FRYL: variants seen among roughly 807,000 people sequenced by gnomAD.
The protein encoded by FRYL is FRY like transcription coactivator, also known as protein furry homolog-like.
Under a neutral mutation model 351.2 loss-of-function variants are expected in FRYL, and 150 were observed. The observed-to-expected ratio is 0.43, with a 90% CI of 0.37 to 0.49. FRYL has a LOEUF of 0.49. FRYL is among the 20% of genes least tolerant of loss of function. FRYL has a pLI of 0.00. For synonymous variants in FRYL, 1,153 were observed against 1,257.1 expected, an observed-to-expected ratio of 0.92 and a Z score of 1.75; for missense variants, 3,036 against 3,619.3, an observed-to-expected ratio of 0.84 and a Z score of 4.13.
At chr4:48,550,371 T>G (rs1314898615) in intron 38 of FRYL, 1 of 501,772 alleles carries the variant, frequency 2.0e-6, no homozygotes, top group Non-Finnish European at 3.5e-6. Context: ...CTTATGTTCC[T>G]TGTGATTTAT....
At chr4:48,755,708 C>T (rs1411885464) in intron 1 of FRYL, among the ~76,000 whole-genome samples, 1 of 152,066 alleles carries the variant, frequency 6.6e-6, no homozygotes, top group Non-Finnish European at 1.5e-5. Flanking sequence ...GTTTTTGGTA[C>T]ATAAAGCACA....
At chr4:48,738,586 C>A (rs1391033236) in intron 1 of FRYL, among the ~76,000 whole-genome samples, 1 of 151,956 alleles carries the variant, frequency 6.6e-6, no homozygotes, top group Non-Finnish European at 1.5e-5. Flanking sequence ...TAACCTCAAG[C>A]TACTGAGCTC....
At chr4:48,753,790 T>G (rs1171907622) in intron 1 of FRYL, among the ~76,000 whole-genome samples, 1 of 152,220 alleles carries the variant, frequency 6.6e-6, no homozygotes, top group Non-Finnish European at 1.5e-5. Flanking sequence ...TATGATCCAT[T>G]TTGTTCATTT....
chr4:48,631,795 G>C (rs973689977), intron 4 of FRYL, among the ~76,000 whole-genome samples: 1 of 151,432 alleles, frequency 6.6e-6, no homozygotes, highest in Non-Finnish European at 1.5e-5. Flanking sequence ...GGCCAGAGGC[G>C]GTGGGTCTAT....
At chr4:48,592,991 C>T (rs1358413952) in intron 16 of FRYL, among the ~76,000 whole-genome samples, 4 of 151,986 alleles carry the variant, frequency 2.6e-5, no homozygotes, top group Admixed American at 1.3e-4. Flanking sequence ...TAGATTCCAA[C>T]AAAGAATTAA....
chr4:48,640,556 A>T (rs1755118293), intron 3 of FRYL, among the ~76,000 whole-genome samples: 1 of 152,168 alleles, frequency 6.6e-6, no homozygotes, highest in Non-Finnish European at 1.5e-5. Flanking sequence ...ACTCCTCTGT[A>T]GTATAGTATA....
chr4:48,682,206 A>G (rs1433294991), intron 3 of FRYL, among the ~76,000 whole-genome samples: 1 of 152,202 alleles, frequency 6.6e-6, no homozygotes, highest in Non-Finnish European at 1.5e-5. Flanking sequence ...TTTGCATAGT[A>G]TTTCAAAAGA....
In FRYL at chr4:48,713,177, A is replaced by T. The variant is rs572680246; in HGVS notation, c.-383-2479T>A. Among the ~76,000 whole-genome samples the T allele has an allele frequency of 3.1e-4, 47 of 152,270 alleles. 1 individual carries two copies. In the South Asian group the frequency reaches 9.6e-3, roughly 31 times the overall value. On this transcript the variant is annotated intron_variant, in intron 1 of 63. Coordinates refer to ENST00000358350, the MANE Select transcript of FRYL (RefSeq NM_015030.2). ...TAGGAAGAAACTGCATCAACTAACA[A>T]GCAAAATAACCAGCTAACATCATAA...
intron 15 of FRYL, 119 bp downstream of exon 15, chr4:48,595,471 C>A: frequency 1.9e-6 from 1 of 535,106 alleles, no homozygotes. Context: ...ATGAAATAAA[C>A]TTATTCAATG....
chr4:48,625,324 T>C (rs950320338), intron 4 of FRYL, among the ~76,000 whole-genome samples: 1 of 152,148 alleles, frequency 6.6e-6, no homozygotes, highest in Non-Finnish European at 1.5e-5. Flanking sequence ...TAGAAGGACA[T>C]TCACTATCAA....
intron 3 of FRYL, among the ~76,000 whole-genome samples, chr4:48,660,761 T>C (rs1172012956): frequency 1.3e-5 from 2 of 152,200 alleles, no homozygotes; most frequent in Middle Eastern, 3.2e-3. Flanking sequence ...GTGATGAGAA[T>C]GGCACTTAAT....
intron 1 of FRYL, among the ~76,000 whole-genome samples, chr4:48,751,645 A>G (rs1773259044): frequency 6.6e-6 from 1 of 152,204 alleles, no homozygotes; most frequent in African/African-American, 2.4e-5. Context: ...ATTAACACAG[A>G]AAACTAGTGA....
At chr4:48,515,931 T>C (rs1316546668) in intron 55 of FRYL, among the ~76,000 whole-genome samples, 1 of 152,120 alleles carries the variant, frequency 6.6e-6, no homozygotes, top group East Asian at 1.9e-4. Context: ...TTGCTTTCAT[T>C]ACAGTGGAAC....
rs766532759 is a variant in FRYL at position 48,531,274 on chromosome 4, A to G, written c.6785T>C (p.Ile2262Thr). ...RSASLVVPSD[I>T]PKTYGGDTGS... ...TGTATCTCCTCCATAGGTCTTGGGG[A>G]TATCACTGGGTACGACAAGACTCGC... The change falls in exon 50 of 64, where the codon ATC becomes ACC. Residue 2262 changes from isoleucine (I) to threonine (T), a missense_variant. Coordinates refer to ENST00000358350, the MANE Select transcript of FRYL (RefSeq NM_015030.2). 1 of 1,613,368 alleles carries G rather than the reference A, an allele frequency of 6.2e-7. No individual in the cohort carries two copies. The highest frequency in any genetic ancestry group is 1.7e-5 in the Admixed American group (1 of 59,994).
chr4:48,677,653 C>G (rs578005381), intron 3 of FRYL, among the ~76,000 whole-genome samples: 1 of 152,154 alleles, frequency 6.6e-6, no homozygotes, highest in Admixed American at 6.5e-5. Context: ...TCAGGTGATC[C>G]GCCTGCCTTG....
chr4:48,666,514 T>C (rs1438159136), intron 3 of FRYL, among the ~76,000 whole-genome samples: 1 of 152,182 alleles, frequency 6.6e-6, no homozygotes, highest in Non-Finnish European at 1.5e-5. Context: ...TATGCATGGT[T>C]AACCTTAATC....
chr4:48,507,304 T>C (rs1296565136), intron 59 of FRYL, among the ~76,000 whole-genome samples: 3 of 152,334 alleles, frequency 2.0e-5, no homozygotes, highest in Middle Eastern at 3.4e-3. Flanking sequence ...AGCCAGAGCA[T>C]ACAAGACATG....
At chr4:48,748,870 T>C (rs1478793332) in intron 1 of FRYL, among the ~76,000 whole-genome samples, 1 of 152,128 alleles carries the variant, frequency 6.6e-6, no homozygotes, top group Admixed American at 6.5e-5. Flanking sequence ...GGTTGCAATT[T>C]TTAAGTAGTC....
Position 48,499,395 on chromosome 4 carries a change from G to C in FRYL, c.*27C>G, listed in dbSNP as rs1178080937. On this transcript the variant is annotated 3_prime_UTR_variant, in exon 64 of 64. Coordinates refer to ENST00000358350, the MANE Select transcript of FRYL (RefSeq NM_015030.2). The stretch of plus-strand genomic sequence containing the variant: ...AATATTCTTCATCATCTTCAGTTTA[G>C]TTTCTTTCCTAAAGGCCTGAAGTGT... The C allele has an allele frequency of 1.2e-6, 2 of 1,606,218 alleles. No homozygotes were observed. Among genetic ancestry groups the C allele is most frequent in the Admixed American group, 3.3e-5 (2 of 59,758 alleles).
Sources: allele counts gnomAD v4.1 joint callset (sites outside exome capture counted in the v4.1 genomes callset), GRCh38; gene constraint gnomAD v4.1.1; transcripts MANE v1.5; gene names NCBI Gene and HGNC (gene_info 2026-07-23, HGNC 2026-07-21).